Variants in CYP2C18 observed in about 807,000 individuals in gnomAD.
CYP2C18 encodes the protein cytochrome P450 2C18.
In CYP2C18, 38 loss-of-function variants were observed where a neutral mutation model predicts 41.3. The ratio of observed to expected loss-of-function variants is 0.92; its 90% CI spans 0.71 to 1.21. The LOEUF is 1.21. Ranked by LOEUF, CYP2C18 falls within the 50% of genes most tolerant of loss-of-function variation. The pLI is 0.00. For synonymous variants in CYP2C18, 236 were observed against 210.0 expected, an observed-to-expected ratio of 1.12 and a Z score of -1.07; for missense variants, 635 against 591.4, an observed-to-expected ratio of 1.07 and a Z score of -0.77.
At chr10:94,688,043 C>T in intron 2 of CYP2C18, 82 bp from the exon 3 acceptor site, 1 of 1,599,754 alleles carries the variant, frequency 6.3e-7, no homozygotes, top group Non-Finnish European at 8.5e-7. Context: ...CAGAACTTGA[C>T]CTGTCCACGT....
rs762437164 is a variant in CYP2C18 at position 94,683,896 on chromosome 10, G to T, written c.77G>T (p.Arg26Ile). 6.2e-6 allele frequency: 10 copies of T among 1,611,904 alleles called. No individual in the cohort carries two copies. The Admixed American group carries it at 1.7e-4, about 27-fold the overall frequency. ...LLSLWRQSSG[R>I]GRLPSGPTPL... Reference sequence around the variant, plus strand: ...TCACTCTGGAGGCAGAGCTCTGGAAGAGGGAGGCTCCCGTCTGGCCCCACT... The same window carrying T: ...TCACTCTGGAGGCAGAGCTCTGGAATAGGGAGGCTCCCGTCTGGCCCCACT... Residue 26 changes from arginine to isoleucine, a missense_variant, in exon 1 of 9, where the codon AGA becomes ATA. Physicochemically the swap from Arg to Ile is moderately conservative, Grantham distance 97. Transcript: ENST00000285979.
At chr10:94,724,734 C>A (rs1847709080) in intron 7 of CYP2C18, among the ~76,000 whole-genome samples, 1 of 151,738 alleles carries the variant, frequency 6.6e-6, no homozygotes, top group Non-Finnish European at 1.5e-5. Flanking sequence ...TGTATGTCTT[C>A]CAAATTTGTT....
At position 94,687,876 on chromosome 10, in the gene CYP2C18, A is replaced by G; in HGVS notation, c.275A>G (p.Glu92Gly). Residue 92 changes from glutamate (E) to glycine (G), a missense_variant, in exon 2 of 9, where the codon GAG becomes GGG. Coordinates refer to ENST00000285979, the MANE Select transcript of CYP2C18 (RefSeq NM_000772.3). ...AAGGAGGCCCTGATTGATCATGGAG[A>G]GGAGTTTTCTGGAAGAGGAAGTTTT... ...AVKEALIDHG[E>G]EFSGRGSFPV... is the part of the protein sequence containing the mutation. 6.2e-7 allele frequency: 1 copy of G among 1,613,798 alleles called. No homozygotes were observed. The highest frequency in any genetic ancestry group is 8.5e-7 in the Non-Finnish European group (1 of 1,179,808).
intron 5 of CYP2C18, among the ~76,000 whole-genome samples, chr10:94,718,524 C>A (rs1311041890): frequency 7.2e-5 from 11 of 152,154 alleles, no homozygotes; most frequent in Admixed American, 6.5e-4. Context: ...TTTTCCTGAT[C>A]TTATGGGAAA....
intron 7 of CYP2C18, 139 bp from the exon 8 acceptor site, chr10:94,733,154 GGTCT>G (rs1188174033): frequency 1.2e-5 from 9 of 729,802 alleles, no homozygotes; most frequent in African/African-American, 1.8e-5. Flanking sequence ...CTTCTTACTA[GGTCT>G]GTCTGGGTGG....
At chr10:94,709,333 T>C (rs537327125) in intron 5 of CYP2C18, among the ~76,000 whole-genome samples, 35 of 152,290 alleles carry the variant, frequency 2.3e-4, no homozygotes, top group Admixed American at 3.3e-4. Context: ...GGTGGTTCCA[T>C]GTGGTTTGGT....
At chr10:94,713,812 G>T (rs1420461629) in intron 5 of CYP2C18, among the ~76,000 whole-genome samples, 1 of 152,164 alleles carries the variant, frequency 6.6e-6, no homozygotes, top group East Asian at 1.9e-4. Context: ...GTGTAAAAGT[G>T]TTCCTATTTC....
intron 5 of CYP2C18, among the ~76,000 whole-genome samples, chr10:94,715,198 C>T (rs980737438): frequency 4.6e-5 from 7 of 152,088 alleles, no homozygotes; most frequent in African/African-American, 1.4e-4. Flanking sequence ...TTACTCTGGC[C>T]AGAACTTCCA....
chr10:94,701,453 A>C (rs1416937381), intron 4 of CYP2C18, among the ~76,000 whole-genome samples: 1 of 151,892 alleles, frequency 6.6e-6, no homozygotes, highest in Non-Finnish European at 1.5e-5. Context: ...GGAACATCAC[A>C]CACTGGGGCC....
intron 5 of CYP2C18, among the ~76,000 whole-genome samples, chr10:94,713,731 TTC>T (rs1424670344): frequency 2.6e-5 from 4 of 152,218 alleles, no homozygotes; most frequent in Non-Finnish European, 5.9e-5. Context: ...ATATTTCTAG[TTC>T]TAGATCCTTG....
At chr10:94,702,690 TGGA>T (rs1363567159) in intron 4 of CYP2C18, among the ~76,000 whole-genome samples, 3 of 152,088 alleles carry the variant, frequency 2.0e-5, no homozygotes, top group Non-Finnish European at 4.4e-5. Context: ...TCCTTGAGCT[TGGA>T]GGAGTTTGTT....
rs1847868814 is a variant in CYP2C18, at chr10:94,733,441, AATAG to A, written c.1291+7_1291+10del. The A allele has an allele frequency of 1.2e-6, 2 of 1,612,886 alleles. No homozygotes were observed. Among genetic ancestry groups the A allele is most frequent in the Admixed American group, 1.7e-5 (1 of 59,892 alleles). ...CTACTTCATGCCTTTCTCAGCAGGTAATAGATATTCATTTCCATCTGTCCTTCAG... is the reference window on the plus strand; with the variant it reads ...CTACTTCATGCCTTTCTCAGCAGGTAATATTCATTTCCATCTGTCCTTCAG... On this transcript the variant is annotated splice_donor_5th_base_variant and intron_variant, in intron 8 of 8. Coordinates refer to ENST00000285979, the MANE Select transcript of CYP2C18 (RefSeq NM_000772.3).
At chr10:94,688,312 A>T (rs541321142) in intron 3 of CYP2C18, 38 bp downstream of exon 3, 1 of 1,569,354 alleles carries the variant, frequency 6.4e-7, no homozygotes, top group Non-Finnish European at 8.6e-7. Flanking sequence ...ATGTTTTCTA[A>T]AATTTATTTT....
chr10:94,709,868 G>A (rs1371010876), intron 5 of CYP2C18, among the ~76,000 whole-genome samples: 2 of 152,174 alleles, frequency 1.3e-5, no homozygotes, highest in South Asian at 2.1e-4. Flanking sequence ...ATTCCCCATT[G>A]AGTGATCGTG....
At position 94,700,837 on chromosome 10, in the gene CYP2C18, G is replaced by A. The variant is rs111822409; in HGVS notation, c.642+5760G>A. On this transcript the variant is annotated intron_variant, in intron 4 of 8. Transcript: ENST00000285979. Reference sequence around the variant, plus strand: ...TATGAACAGACACTTCTCAAAAGAAGACAGTTATGCAGCCAAAGGACACAT... The same window carrying A: ...TATGAACAGACACTTCTCAAAAGAAAACAGTTATGCAGCCAAAGGACACAT... Among the ~76,000 whole-genome samples the A allele has an allele frequency of 1.9e-3, 289 of 152,300 alleles. 1 individual carries two copies. The highest frequency in any genetic ancestry group is 5.9e-3 in the African/African-American group (245 of 41,562).
intron 6 of CYP2C18, among the ~76,000 whole-genome samples, chr10:94,722,376 C>T (rs1847662069): frequency 6.6e-6 from 1 of 151,990 alleles, no homozygotes; most frequent in Admixed American, 6.6e-5. Flanking sequence ...ATTAGCCACA[C>T]ACTTGTTTTT....
chr10:94,718,030 A>T (rs1847584215), intron 5 of CYP2C18, among the ~76,000 whole-genome samples: 1 of 152,068 alleles, frequency 6.6e-6, no homozygotes, highest in African/African-American at 2.4e-5. Context: ...CAATGAAACC[A>T]TAAATTTCTT....
intron 4 of CYP2C18, among the ~76,000 whole-genome samples, chr10:94,699,468 T>C (rs1365119291): frequency 6.6e-6 from 1 of 152,160 alleles, no homozygotes; most frequent in East Asian, 1.9e-4. Context: ...TAGGTATTGA[T>C]GGGATGTATC....
intron 4 of CYP2C18, among the ~76,000 whole-genome samples, chr10:94,702,338 G>C (rs1292075433): frequency 6.6e-6 from 1 of 152,100 alleles, no homozygotes; most frequent in African/African-American, 2.4e-5. Context: ...TTTCCAACTT[G>C]GTTCCATTCT....
Sources: allele counts gnomAD v4.1 joint callset (sites outside exome capture counted in the v4.1 genomes callset), GRCh38; gene constraint gnomAD v4.1.1; transcripts MANE v1.5; gene names NCBI Gene and HGNC (gene_info 2026-07-23, HGNC 2026-07-21).